SMAD3: variants seen among roughly 807,000 people sequenced by gnomAD.
SMAD3 encodes SMAD family member 3, also known as MAD homolog 3.
SMAD3 carries 12 observed loss-of-function variants against 51.8 expected under a neutral mutation model. The ratio of observed to expected loss-of-function variants is 0.23; its 90% CI spans 0.15 to 0.38. The LOEUF (loss-of-function observed/expected upper bound fraction) is 0.38. Among genes scored for constraint, SMAD3 ranks in the 10% least tolerant of loss-of-function variants. The pLI, the probability that SMAD3 is intolerant of heterozygous loss-of-function variation, is 1.00. For synonymous variants in SMAD3, 238 were observed against 227.7 expected, an observed-to-expected ratio of 1.05 and a Z score of -0.41; for missense variants, 294 against 565.6, an observed-to-expected ratio of 0.52 and a Z score of 4.87.
Position 67,164,952 on chromosome 15 carries a change from C to G in SMAD3, c.264C>G (p.Tyr88Ter), listed in dbSNP as rs1156623019. The change falls in exon 2 of 9, where the codon TAC (tyrosine) becomes TAG (stop). Residue 88 changes from tyrosine (Y) to a stop codon, truncating the protein, a stop_gained. Transcript: ENST00000327367. LOFTEE classifies it high-confidence loss of function. ...SHRKGLPHVIYCRLWRWPDLH... is the reference protein window; with the variant it reads ...SHRKGLPHVI ...GGAAGGGGCTCCCTCATGTCATCTA[C>G]TGCCGCCTGTGGCGATGGCCAGACC... 6.2e-7 allele frequency: 1 copy of G among 1,613,908 alleles called. No homozygotes were observed.
chr15:67,149,050 TG>T (rs1277622195), intron 1 of SMAD3, among the ~76,000 whole-genome samples: 3 of 152,092 alleles, frequency 2.0e-5, no homozygotes, highest in Non-Finnish European at 4.4e-5. Context: ...GTGGGGATGG[TG>T]GACTGTAAGA....
At chr15:67,108,843 T>C (rs1960938686) in intron 1 of SMAD3, among the ~76,000 whole-genome samples, 2 of 151,870 alleles carry the variant, frequency 1.3e-5, no homozygotes, top group South Asian at 2.1e-4. Flanking sequence ...ACAGTTGTGC[T>C]CTATTTTCAT....
chr15:67,106,510 T>C (rs1960880505), intron 1 of SMAD3, among the ~76,000 whole-genome samples: 1 of 152,216 alleles, frequency 6.6e-6, no homozygotes, highest in African/African-American at 2.4e-5. Context: ...TCACAGAGAC[T>C]GTTCTTTTCC....
intron 1 of SMAD3, among the ~76,000 whole-genome samples, chr15:67,159,520 G>A (rs1424040591): frequency 6.6e-6 from 1 of 152,028 alleles, no homozygotes; most frequent in African/African-American, 2.4e-5. Context: ...TAAATAATAA[G>A]CCTTGCATAT....
chr15:67,118,601 C>T (rs1463092339), intron 1 of SMAD3, among the ~76,000 whole-genome samples: 3 of 152,156 alleles, frequency 2.0e-5, no homozygotes, highest in Non-Finnish European at 4.4e-5. Context: ...GAAAAAATGC[C>T]TTTCTCTAGG....
At position 67,172,203 on chromosome 15, in the gene SMAD3, C is replaced by T. The variant is rs536433208; in HGVS notation, c.658+1599C>T. ...AGCATCCTCTGTTGACATAATTCTC[C>T]CTCCCTACTGCCCCTTCCTCGGGCA... On this transcript the variant is annotated intron_variant, in intron 5 of 8. Transcript: ENST00000327367. Among the ~76,000 whole-genome samples, 67 of 151,802 alleles carry T rather than the reference C, an allele frequency of 4.4e-4. No individual in the cohort carries two copies. The South Asian group carries it at 0.014, about 31-fold the overall frequency.
chr15:67,163,701 G>T (rs1715649644), intron 1 of SMAD3, among the ~76,000 whole-genome samples: 1 of 152,138 alleles, frequency 6.6e-6, no homozygotes, highest in South Asian at 2.1e-4. Context: ...CTTTGGCCTG[G>T]CTTGAGAGGT....
At chr15:67,138,085 C>G (rs1283123464) in intron 1 of SMAD3, 1 of 1,551,552 alleles carries the variant, frequency 6.4e-7, no homozygotes, top group African/African-American at 1.4e-5. Context: ...CACCGGAAAG[C>G]ATGGTGGATG....
intron 5 of SMAD3, among the ~76,000 whole-genome samples, chr15:67,176,781 G>T (rs2140308548): frequency 6.6e-6 from 1 of 152,346 alleles, no homozygotes; most frequent in Non-Finnish European, 1.5e-5. Context: ...CACACTGGTG[G>T]GGGAGGGGGA....
chr15:67,181,759 C>T (rs372739022), intron 6 of SMAD3, among the ~76,000 whole-genome samples: 9 of 151,148 alleles, frequency 6.0e-5, no homozygotes, highest in East Asian at 3.9e-4. Context: ...AAGAAGGGAA[C>T]GTCTATGAGA....
chr15:67,087,057 G>C (rs1271278175), intron 1 of SMAD3, among the ~76,000 whole-genome samples: 2 of 152,014 alleles, frequency 1.3e-5, no homozygotes, highest in East Asian at 3.9e-4. Flanking sequence ...CACCACACCT[G>C]GCTAATTTTT....
chr15:67,130,124 C>T (rs548162640), intron 1 of SMAD3, among the ~76,000 whole-genome samples: 8 of 152,308 alleles, frequency 5.3e-5, no homozygotes, highest in African/African-American at 1.9e-4. Context: ...GATACTCTAC[C>T]TTTGTCATTC....
chr15:67,177,199 A>G (rs187896038), intron 5 of SMAD3, among the ~76,000 whole-genome samples: 8 of 152,272 alleles, frequency 5.3e-5, no homozygotes, highest in African/African-American at 1.9e-4. Flanking sequence ...ACTAGTAAGC[A>G]TTGCCCATCC....
At position 67,164,987 on chromosome 15, in the gene SMAD3, A is replaced by G. The variant is rs1177308790; in HGVS notation, c.299A>G (p.His100Arg). Residue 100 changes from histidine to arginine, a missense_variant, in exon 2 of 9, where the codon CAC (histidine) becomes CGC (arginine). His to Arg is a conservative substitution (Grantham distance 29). Transcript: ENST00000327367. Reference sequence around the variant, plus strand: ...TGGCGATGGCCAGACCTGCACAGCCACCACGAGCTACGGGCCATGGAGCTG... The same window carrying G: ...TGGCGATGGCCAGACCTGCACAGCCGCCACGAGCTACGGGCCATGGAGCTG... ...RLWRWPDLHS[H>R]HELRAMELCE... 6.2e-7 allele frequency: 1 copy of G among 1,614,118 alleles called. No homozygotes were observed. The highest frequency in any genetic ancestry group is 8.5e-7 in the Non-Finnish European group (1 of 1,180,024).
At chr15:67,110,578 C>T (rs1008585906) in intron 1 of SMAD3, among the ~76,000 whole-genome samples, 10 of 152,142 alleles carry the variant, frequency 6.6e-5, no homozygotes, top group African/African-American at 1.4e-4. Context: ...CGTTCCTTGC[C>T]GTGCAGATGC....
At chr15:67,126,342 C>G (rs971063007) in intron 1 of SMAD3, among the ~76,000 whole-genome samples, 2 of 152,062 alleles carry the variant, frequency 1.3e-5, no homozygotes, top group Admixed American at 6.5e-5. Flanking sequence ...TGCCCAGACT[C>G]TAGACTTCCA....
At position 67,167,706 on chromosome 15, in the gene SMAD3, T is replaced by G. The variant is rs542641484; in HGVS notation, c.607+853T>G. 2.6e-5 allele frequency among the ~76,000 whole-genome samples: 4 copies of G among 152,316 alleles called. No individual in the cohort carries two copies. In the East Asian group the frequency reaches 7.7e-4, roughly 29 times the overall value. On this transcript the variant is annotated intron_variant, in intron 4 of 8. Coordinates refer to ENST00000327367, the MANE Select transcript of SMAD3 (RefSeq NM_005902.4). ...GGGCTTATTTCTCTCCTGCTACATCTCCAGATGTTTCCCATATCATTTGTT... is the reference window on the plus strand; with the variant it reads ...GGGCTTATTTCTCTCCTGCTACATCGCCAGATGTTTCCCATATCATTTGTT...
intron 1 of SMAD3, among the ~76,000 whole-genome samples, chr15:67,084,333 G>A (rs1281505297): frequency 6.6e-6 from 1 of 151,106 alleles, no homozygotes; most frequent in Non-Finnish European, 1.5e-5. Flanking sequence ...TGCCTGCCTC[G>A]GCCTCCCAAA....
At position 67,165,253 on chromosome 15, in the gene SMAD3, T is replaced by C. The variant is rs863223767; in HGVS notation, c.401T>C (p.Val134Ala). ...CCTCTGCTCTGTCTCCCCCGGACAGTTCTACCTCCTGTGTTGGTGCCACGC... is the reference window on the plus strand; with the variant it reads ...CCTCTGCTCTGTCTCCCCCGGACAGCTCTACCTCCTGTGTTGGTGCCACGC... ...PYHYQRVETPVLPPVLVPRHT... is the reference protein window; with the variant it reads ...PYHYQRVETPALPPVLVPRHT... The change falls in exon 3 of 9, where the codon GTT becomes GCT. Residue 134 changes from valine (V) to alanine (A), a missense_variant and splice_region_variant. Around this residue, in one of 3 missense-constraint regions of SMAD3, gnomAD observed 147 missense variants for 260.9 expected, o/e 0.56. Coordinates refer to ENST00000327367, the MANE Select transcript of SMAD3 (RefSeq NM_005902.4). 5.0e-6 allele frequency: 8 copies of C among 1,614,078 alleles called. No individual in the cohort carries two copies. Among genetic ancestry groups the C allele is most frequent in the Non-Finnish European group, 5.9e-6 (7 of 1,180,008 alleles).
Sources: gnomAD v4.1 joint callset for allele counts (sites outside exome capture counted in the v4.1 genomes callset) on GRCh38, gnomAD v4.1.1 for gene constraint, gnomAD v4.1.1 regional missense constraint, MANE v1.5 for transcripts, NCBI Gene and HGNC (gene_info 2026-07-23, HGNC 2026-07-21) for gene names.